Variants in SLC2A3 observed in about 807,000 individuals in gnomAD.
SLC2A3 encodes solute carrier family 2, facilitated glucose transporter member 3.
In SLC2A3, 21 loss-of-function variants were observed where a neutral mutation model predicts 46.4. The observed-to-expected ratio is 0.45, with a 90% CI of 0.32 to 0.65. The LOEUF is 0.65. SLC2A3 is among the 30% of genes least tolerant of loss of function. The probability of loss-of-function intolerance (pLI) is 0.04; values close to 1 mark genes in which losing one functional copy is unlikely to be tolerated. For synonymous variants in SLC2A3, 213 were observed against 239.4 expected, an observed-to-expected ratio of 0.89 and a Z score of 1.02; for missense variants, 499 against 623.3, an observed-to-expected ratio of 0.80 and a Z score of 2.12.
chr12:7,924,528 A>C lies in SLC2A3; in HGVS notation c.967-17T>G. The stretch of plus-strand genomic sequence containing the variant: ...CAGAAATAGCTGGAAGAAGAATATG[A>C]CATGAAACTTCAGTTTTCCTTTCCA... On this transcript the variant is annotated splice_polypyrimidine_tract_variant and intron_variant, in intron 7 of 9. Coordinates refer to ENST00000075120, the MANE Select transcript of SLC2A3 (RefSeq NM_006931.3). The C allele has an allele frequency of 6.3e-7, 1 of 1,585,914 alleles. No homozygotes were observed.
chr12:7,930,068 C>T (rs1159561360), intron 5 of SLC2A3, 197 bp from the exon 6 acceptor site: 4 of 1,169,786 alleles, frequency 3.4e-6, no homozygotes, highest in Non-Finnish European at 4.6e-6. Flanking sequence ...TCCCTGCAAC[C>T]TCCACTTCCC....
chr12:7,923,749 T>G (rs1397749708), intron 8 of SLC2A3, among the ~76,000 whole-genome samples: 1 of 150,754 alleles, frequency 6.6e-6, no homozygotes, highest in Non-Finnish European at 1.5e-5. Context: ...CATGAACCAC[T>G]GCGCCCAGCC....
At chr12:7,923,768 ATT>A (rs59914158) in intron 8 of SLC2A3, among the ~76,000 whole-genome samples, 133 of 135,602 alleles carry the variant, frequency 9.8e-4, no homozygotes, top group Non-Finnish European at 1.0e-3. Context: ...CCAGGATTGG[ATT>A]TTTTTTTTTT....
intron 1 of SLC2A3, among the ~76,000 whole-genome samples, chr12:7,934,644 G>C (rs1946194569): frequency 6.6e-6 from 1 of 151,920 alleles, no homozygotes; most frequent in Admixed American, 6.6e-5. Context: ...TCTACCTTGG[G>C]GCAGCTCAAT....
intron 3 of SLC2A3, among the ~76,000 whole-genome samples, chr12:7,932,395 C>G (rs1281980352): frequency 6.6e-6 from 1 of 152,072 alleles, no homozygotes; most frequent in Non-Finnish European, 1.5e-5. Context: ...CCAGGCTGGT[C>G]TCGAACTCCT....
chr12:7,935,611 G>A (rs1946204894), intron 1 of SLC2A3, among the ~76,000 whole-genome samples: 1 of 152,086 alleles, frequency 6.6e-6, no homozygotes, highest in Non-Finnish European at 1.5e-5. Context: ...CAAACAGATG[G>A]CCAGACCCTG....
At position 7,922,842 on chromosome 12, in the gene SLC2A3, T is replaced by A. The variant is rs143309443; in HGVS notation, c.1251A>T (p.Gly417=). 890 of 1,613,846 alleles carry A rather than the reference T, an allele frequency of 5.5e-4. 3 individuals carry two copies. Among genetic ancestry groups the A allele is most frequent in the Non-Finnish European group, 7.2e-4 (854 of 1,179,910 alleles). The change falls in exon 9 of 10, where the codon GGA becomes GGT. Residue 417 remains glycine (G), a synonymous_variant. Coordinates refer to ENST00000075120, the MANE Select transcript of SLC2A3 (RefSeq NM_006931.3). ...CSNWTSNFLV[G]LLFPSAAHYL... ...TTACAGCAGCGGAGGGGAAGAGCAA[T>A]CCGACTAGGAAGTTGGAGGTCCAGT...
In SLC2A3 at chr12:7,933,803, C is replaced by A; in HGVS notation, c.108+7G>T. The A allele has an allele frequency of 6.2e-7, 1 of 1,611,754 alleles. No individual in the cohort carries two copies. On this transcript the variant is annotated splice_region_variant and intron_variant, in intron 2 of 9. Coordinates refer to ENST00000075120, the MANE Select transcript of SLC2A3 (RefSeq NM_006931.3). ...CTAAATTCTAATTATTGTGGCCTGG[C>A]ACTCACCTTCTCAGGAGCATTGATG...
rs935429246 is a variant in SLC2A3, at chr12:7,935,903, G to T, written c.15+117C>A. Reference sequence around the variant, plus strand: ...TGCAGGCTAGAGACGAAATGAAAAGGCCTTAAGATAGCTTGGTGACTTAGG... The same window carrying T: ...TGCAGGCTAGAGACGAAATGAAAAGTCCTTAAGATAGCTTGGTGACTTAGG... On this transcript the variant is annotated intron_variant, in intron 1 of 9. Transcript: ENST00000075120. The T allele has an allele frequency of 9.4e-6, 8 of 850,786 alleles. No homozygotes were observed. In the East Asian group the frequency reaches 1.9e-4, roughly 20 times the overall value. The allele number at this position is 850,786 out of a possible 1,614,324, so 52.7% of individuals were successfully genotyped here.
chr12:7,922,810 A>G lies in SLC2A3; in HGVS notation c.1272+11T>C. On this transcript the variant is annotated intron_variant, in intron 9 of 9. Transcript: ENST00000075120. ...CATAGGCTGGTTTTAAGATAAGGTGAGTTTACTTACAGCAGCGGAGGGGAA... is the reference window on the plus strand; with the variant it reads ...CATAGGCTGGTTTTAAGATAAGGTGGGTTTACTTACAGCAGCGGAGGGGAA... 7 of 1,613,944 alleles carry G rather than the reference A, an allele frequency of 4.3e-6. No homozygotes were observed. Among genetic ancestry groups the G allele is most frequent in the Non-Finnish European group, 5.9e-6 (7 of 1,179,882 alleles).
At chr12:7,924,725 A>T (rs1946076080) in intron 7 of SLC2A3, among the ~76,000 whole-genome samples, 1 of 140,496 alleles carries the variant, frequency 7.1e-6, no homozygotes, top group Non-Finnish European at 1.5e-5. Context: ...TAATGTTGGG[A>T]TGCTTCAGGC....
intron 1 of SLC2A3, among the ~76,000 whole-genome samples, chr12:7,935,467 C>A (rs1177305214): frequency 6.6e-6 from 1 of 152,116 alleles, no homozygotes; most frequent in Non-Finnish European, 1.5e-5. Flanking sequence ...AAAAGAAAAG[C>A]CTTTCTCCCT....
chr12:7,930,996 C>T (rs1453287300), intron 4 of SLC2A3, among the ~76,000 whole-genome samples: 2 of 151,950 alleles, frequency 1.3e-5, no homozygotes, highest in Non-Finnish European at 2.9e-5. Flanking sequence ...TGGGGTTTCA[C>T]CATGTTAGCC....
At chr12:7,930,692 C>G (rs768630504) in intron 4 of SLC2A3, 50 bp from the exon 5 acceptor site, 3 of 1,525,974 alleles carry the variant, frequency 2.0e-6, no homozygotes, top group Non-Finnish European at 2.6e-6. Flanking sequence ...TCACAGGCCA[C>G]AAGTTCATTA....
chr12:7,925,855 T>C lies in SLC2A3; in HGVS notation c.955A>G (p.Thr319Ala), dbSNP rs201368030. Residue 319 changes from threonine to alanine, a missense_variant, in exon 7 of 10, where the codon ACT becomes GCT. Around this residue, in one of 5 missense-constraint regions of SLC2A3, gnomAD observed 65 missense variants for 88.4 expected, o/e 0.74. Transcript: ENST00000075120. Reference sequence around the variant, plus strand: ...ACCATCCAACTTACAGAAACTACAGTGAAGATAGTATTAACCACACCCGCG... The same window carrying C: ...ACCATCCAACTTACAGAAACTACAGCGAAGATAGTATTAACCACACCCGCG... ...IGAGVVNTIF[T>A]VVSLFLVERA... The C allele has an allele frequency of 6.2e-7, 1 of 1,612,098 alleles. No individual in the cohort carries two copies. The highest frequency in any genetic ancestry group is 8.5e-7 in the Non-Finnish European group (1 of 1,178,438).
chr12:7,922,094 T>C (rs1946042791), intron 9 of SLC2A3, among the ~76,000 whole-genome samples: 1 of 151,974 alleles, frequency 6.6e-6, no homozygotes, highest in Non-Finnish European at 1.5e-5. Context: ...TGATCACAGC[T>C]CACCATGAAC....
At chr12:7,927,559 ATC>A (rs1342138668) in intron 6 of SLC2A3, among the ~76,000 whole-genome samples, 1 of 88,140 alleles carries the variant, frequency 1.1e-5, no homozygotes, top group Non-Finnish European at 2.9e-5. Flanking sequence ...GAAATTAGAA[ATC>A]ATCATTTGTG....
intron 6 of SLC2A3, among the ~76,000 whole-genome samples, chr12:7,927,678 C>T (rs750241901): frequency 6.6e-6 from 1 of 152,234 alleles, no homozygotes; most frequent in South Asian, 2.1e-4. Flanking sequence ...TCAGCTGACT[C>T]AGGAATCCCA....
intron 3 of SLC2A3, 68 bp from the exon 4 acceptor site, chr12:7,931,553 CATT>C: frequency 1.9e-6 from 3 of 1,589,474 alleles, no homozygotes; most frequent in Non-Finnish European, 1.7e-6. Flanking sequence ...CCTCTGTCCT[CATT>C]ATTCTGTTCT....
Sources: allele counts gnomAD v4.1 joint callset (sites outside exome capture counted in the v4.1 genomes callset), GRCh38; gene constraint gnomAD v4.1.1; regional missense constraint gnomAD v4.1.1; transcripts MANE v1.5; gene names NCBI Gene and HGNC (gene_info 2026-07-23, HGNC 2026-07-21).